The following TEX11 variants were observed in gnomAD, a reference collection of about 807,000 sequenced individuals.
TEX11 encodes testis-expressed protein 11.
A neutral mutation model predicts 84.4 loss-of-function variants in TEX11; 7 were observed. The observed-to-expected ratio is 0.08, with a 90% CI of 0.05 to 0.16. The LOEUF (loss-of-function observed/expected upper bound fraction) is 0.16, where lower values mean the gene tolerates loss of function less well. TEX11 is among the 10% of genes least tolerant of loss of function. The pLI is 1.00. For missense variants in TEX11, 551 were observed against 660.5 expected (o/e 0.83, Z 1.82); for synonymous variants, 264 against 222.8 (o/e 1.18, Z -1.64).
intron 4 of TEX11, among the ~76,000 whole-genome samples, chrX:70,871,931 TCCCTGGC>T (rs894405265): frequency 1.0e-5 from 1 of 99,822 alleles, no homozygotes; most frequent in African/African-American, 3.7e-5. Context: ...CTCTCTCATC[TCCCTGGC>T]CCTAACCCCA....
chrX:70,628,061 T>C (rs2089468651), intron 18 of TEX11, among the ~76,000 whole-genome samples: 1 of 110,243 alleles, frequency 9.1e-6, no homozygotes, highest in Non-Finnish European at 1.9e-5. Context: ...AAACCCCGCC[T>C]CTACTAAAAA....
chrX:70,765,105 G>A (rs2090931596), intron 9 of TEX11, among the ~76,000 whole-genome samples: 1 of 111,529 alleles, frequency 9.0e-6, no homozygotes, highest in Non-Finnish European at 1.9e-5. Flanking sequence ...GCAATATATG[G>A]CCGAGTGCGG....
chrX:70,536,446 T>C (rs2087959388), intron 28 of TEX11, among the ~76,000 whole-genome samples: 1 of 111,849 alleles, frequency 8.9e-6, no homozygotes, highest in Admixed American at 9.6e-5. Flanking sequence ...TAATAAATGG[T>C]GTAGCCAGAA....
rs11330282 is a variant in TEX11, at chrX:70,686,696, T to TAA, written c.1005-3873_1005-3872dup. ...CTGCACATGTATCCAGAACTTAAAG[T>TAA]AAAAAAAAAAAAAAAATACAGAATG... On this transcript the variant is annotated intron_variant, in intron 13 of 29. Coordinates refer to ENST00000374333, the MANE Select transcript of TEX11 (RefSeq NM_031276.3). 3.3e-4 allele frequency among the ~76,000 whole-genome samples: 31 copies of TAA among 92,936 alleles called. No individual in the cohort carries two copies. In the South Asian group the frequency reaches 0.01, roughly 31 times the overall value. The allele number at this position is 92,936 out of a possible 115,157, so 80.7% of individuals were successfully genotyped here.
intron 16 of TEX11, among the ~76,000 whole-genome samples, chrX:70,661,680 C>T (rs942515783): frequency 8.1e-5 from 9 of 111,567 alleles, no homozygotes; most frequent in Non-Finnish European, 1.7e-4. Flanking sequence ...GACAAAACTT[C>T]CAGAGGAATG....
chrX:70,857,596 A>C (rs1021124427), intron 5 of TEX11: 10 of 280,565 alleles, frequency 3.6e-5, no homozygotes, highest in South Asian at 1.6e-4. Context: ...AAAATGGTTC[A>C]AGTGAGTGTA....
chrX:70,589,398 T>C lies in TEX11; in HGVS notation c.2140+2353A>G, dbSNP rs201950349. ...TATACTTAGACTATATATATGTATA[T>C]ATAGAGAGGCATTTATCTCTATCTC... On this transcript the variant is annotated intron_variant, in intron 25 of 29. Coordinates refer to ENST00000374333, the MANE Select transcript of TEX11 (RefSeq NM_031276.3). Among the ~76,000 whole-genome samples the C allele has an allele frequency of 1.1e-4, 12 of 109,840 alleles. No homozygotes were observed. The East Asian group carries it at 3.4e-3, about 31-fold the overall frequency.
At chrX:70,792,921 G>C (rs2091133236) in intron 9 of TEX11, among the ~76,000 whole-genome samples, 1 of 111,336 alleles carries the variant, frequency 9.0e-6, no homozygotes, top group Non-Finnish European at 1.9e-5. Context: ...TATCACTGAT[G>C]AACATCAATG....
chrX:70,724,062 T>C, intron 12 of TEX11: 1 of 751,113 alleles, frequency 1.3e-6, no homozygotes, highest in Non-Finnish European at 1.6e-6. Context: ...TTTTAAACTC[T>C]GCTTCTTACC....
the TEX11 span, among the ~76,000 whole-genome samples, chrX:70,521,166 A>G: frequency 9.0e-6 from 1 of 111,304 alleles, no homozygotes; most frequent in Non-Finnish European, 1.9e-5. Context: ...ACCAGTCCCA[A>G]TGAGATGAAC....
intron 11 of TEX11, among the ~76,000 whole-genome samples, chrX:70,726,569 C>T (rs1475046748): frequency 2.7e-5 from 3 of 110,753 alleles, no homozygotes; most frequent in Non-Finnish European, 3.8e-5. Context: ...CTCACTCTAT[C>T]GCCCAGGCTG....
intron 11 of TEX11, among the ~76,000 whole-genome samples, chrX:70,737,898 A>G (rs1361252920): frequency 1.8e-5 from 2 of 111,888 alleles, no homozygotes; most frequent in East Asian, 5.5e-4. Context: ...TATGGCTGAT[A>G]TGCAGAAAAC....
At chrX:70,727,746 A>T (rs769149696) in intron 11 of TEX11, among the ~76,000 whole-genome samples, 87 of 110,583 alleles carry the variant, frequency 7.9e-4, no homozygotes, top group African/African-American at 2.8e-3. Flanking sequence ...CATGAGAGAG[A>T]TGAGAGATGA....
chrX:70,622,803 T>C (rs932872953), intron 20 of TEX11, among the ~76,000 whole-genome samples: 2 of 111,853 alleles, frequency 1.8e-5, no homozygotes, highest in African/African-American at 6.5e-5. Flanking sequence ...CACCCACTTC[T>C]TCCTCTCCCA....
intron 13 of TEX11, among the ~76,000 whole-genome samples, chrX:70,683,824 T>C (rs999118639): frequency 1.8e-5 from 2 of 111,682 alleles, no homozygotes; most frequent in Admixed American, 1.9e-4. Context: ...GGCATAAAGA[T>C]AGACATATAG....
intron 11 of TEX11, among the ~76,000 whole-genome samples, chrX:70,733,501 C>T (rs1477903972): frequency 9.0e-6 from 1 of 111,462 alleles, no homozygotes; most frequent in Non-Finnish European, 1.9e-5. Context: ...AGGATATGAA[C>T]AGACACTTCT....
At chrX:70,796,563 C>G (rs2091156755) in intron 9 of TEX11, among the ~76,000 whole-genome samples, 1 of 111,808 alleles carries the variant, frequency 8.9e-6, no homozygotes, top group African/African-American at 3.2e-5. Context: ...TAATTTATGA[C>G]TAAGTCCTCA....
the TEX11 span, among the ~76,000 whole-genome samples, chrX:70,511,746 C>A: frequency 1.7e-5 from 1 of 57,905 alleles, no homozygotes; most frequent in African/African-American, 5.8e-5. Context: ...GACTGAGACT[C>A]CATCTCAAAA....
rs143776602 is a variant in TEX11, at chrX:70,876,057, C to T, written c.160-2750G>A. ...ATGGACAAATGTATATGTGATGAAG[C>T]GAATATGGTAAAATGTTTACAACTG... On this transcript the variant is annotated intron_variant, in intron 3 of 29. Coordinates refer to ENST00000374333, the MANE Select transcript of TEX11 (RefSeq NM_031276.3). Among the ~76,000 whole-genome samples, 250 of 111,959 alleles carry T rather than the reference C, an allele frequency of 2.2e-3. 1 individual carries two copies. The highest frequency in any genetic ancestry group is 7.9e-3 in the African/African-American group (244 of 30,940).
Sources: gnomAD v4.1 joint callset for allele counts (sites outside exome capture counted in the v4.1 genomes callset) on GRCh38, gnomAD v4.1.1 for gene constraint, MANE v1.5 for transcripts, NCBI Gene and HGNC (gene_info 2026-07-23, HGNC 2026-07-21) for gene names.